The following SYNJ2 variants were observed in gnomAD, a reference collection of about 807,000 sequenced individuals.
The protein encoded by SYNJ2 is synaptojanin 2, also known as polyphosphatidylinositol phosphatase SYNJ2.
In SYNJ2, 116 loss-of-function variants were observed where a neutral mutation model predicts 141.3. The observed-to-expected ratio is 0.82, with a 90% CI of 0.71 to 0.96. The LOEUF (loss-of-function observed/expected upper bound fraction) is 0.96, where lower values mean the gene tolerates loss of function less well. Ranked by LOEUF, SYNJ2 falls within the 40% of genes least tolerant of loss-of-function variation. The pLI is 0.00. For synonymous variants in SYNJ2, 745 were observed against 777.7 expected (o/e 0.96, Z 0.70); for missense variants, 1,873 against 1,934.8 (o/e 0.97, Z 0.60).
At chr6:158,062,932 C>G (rs773428020) in intron 8 of SYNJ2, among the ~76,000 whole-genome samples, 22 of 152,186 alleles carry the variant, frequency 1.4e-4, no homozygotes, top group Admixed American at 3.3e-4. Flanking sequence ...CTTCTGAGCA[C>G]AAGAAGGTGG....
intron 1 of SYNJ2, among the ~76,000 whole-genome samples, chr6:157,988,323 C>T (rs1396976900): frequency 6.6e-6 from 1 of 152,172 alleles, no homozygotes; most frequent in African/African-American, 2.4e-5. Context: ...CCGCCCTCCC[C>T]ACTGGCTACA....
In SYNJ2 at chr6:158,066,394, C is replaced by T. The variant is rs371158402; in HGVS notation, c.1526-50C>T. On this transcript the variant is annotated intron_variant, in intron 11 of 26. Transcript: ENST00000355585. Reference sequence around the variant, plus strand: ...GCCTCATCTGTCTTTTTGGAGGATGCCTGAGCTTTGGAACTGCAAAGAAAT... The same window carrying T: ...GCCTCATCTGTCTTTTTGGAGGATGTCTGAGCTTTGGAACTGCAAAGAAAT... 31 of 1,604,162 alleles carry T rather than the reference C, an allele frequency of 1.9e-5. No homozygotes were observed. The African/African-American group carries it at 3.1e-4, about 16-fold the overall frequency.
intron 22 of SYNJ2, among the ~76,000 whole-genome samples, chr6:158,085,461 G>A (rs568259815): frequency 1.9e-4 from 29 of 152,290 alleles, no homozygotes; most frequent in Non-Finnish European, 3.4e-4. Context: ...ACTGAGCCCC[G>A]AGTTGGAGGA....
rs1781932003 is a variant in SYNJ2 at position 158,071,639 on chromosome 6, G to A, written c.1978G>A (p.Gly660Ser). Residue 660 changes from glycine (G) to serine (S), a missense_variant, in exon 15 of 27, where the codon GGC becomes AGC. By Grantham distance (56) the Gly-to-Ser change is moderately conservative (BLOSUM62 0). Coordinates refer to ENST00000355585, the MANE Select transcript of SYNJ2 (RefSeq NM_003898.4). The surrounding 1 kb of genome is among the most constrained non-coding windows in gnomAD (Gnocchi z 4.3). ...CGACACAGTGAAGACGGGCATGGGG[G>A]GCAAGGCGGGGAACAAGGGCGCCGT... ...AIDTVKTGMG[G>S]KAGNKGAVGI... 2 of 1,614,090 alleles carry A rather than the reference G, an allele frequency of 1.2e-6. No homozygotes were observed. The highest frequency in any genetic ancestry group is 2.7e-5 in the African/African-American group (2 of 75,048).
chr6:158,076,415 G>A (rs1043222673), intron 16 of SYNJ2, among the ~76,000 whole-genome samples: 4 of 152,168 alleles, frequency 2.6e-5, no homozygotes, highest in African/African-American at 9.7e-5. Context: ...AGATAGATAC[G>A]AGGGCGGTGT....
chr6:158,062,208 A>C (rs777196380), intron 8 of SYNJ2, 44 bp downstream of exon 8: 1 of 1,596,326 alleles, frequency 6.3e-7, no homozygotes, highest in Non-Finnish European at 8.5e-7. Context: ...GCTGGGGGGA[A>C]GCGTCAGTCC....
intron 17 of SYNJ2, 42 bp from the exon 18 acceptor site, chr6:158,078,122 T>C: frequency 7.6e-7 from 1 of 1,322,208 alleles, no homozygotes; most frequent in Middle Eastern, 1.8e-4. Flanking sequence ...GGATATTGAC[T>C]CGATTCTATA....
intron 16 of SYNJ2, among the ~76,000 whole-genome samples, chr6:158,075,632 T>C (rs1341806097): frequency 6.7e-6 from 1 of 149,152 alleles, no homozygotes; most frequent in Admixed American, 6.7e-5. Context: ...CGAGCAAAAC[T>C]CCGTCTCAAA....
At chr6:158,074,380 TAA>T (rs1381478776) in intron 15 of SYNJ2, among the ~76,000 whole-genome samples, 198 bp from the exon 16 acceptor site, 1 of 152,166 alleles carries the variant, frequency 6.6e-6, no homozygotes, top group Non-Finnish European at 1.5e-5. Flanking sequence ...TATTTAAAAT[TAA>T]AAAGTAAGCC....
Position 158,043,773 on chromosome 6 carries a change from T to A in SYNJ2, c.795+374T>A, listed in dbSNP as rs1372554003. On this transcript the variant is annotated intron_variant, in intron 5 of 26. Transcript: ENST00000355585. This position sits in a 1 kb window ranked among gnomAD's most constrained non-coding sequence, Gnocchi z 4.0. ...AGGACGTTTCTGAGAGCCGTGACTC[T>A]CATGGAGGGCTTCAGGAAGGCTCTG... is the stretch of plus-strand genomic sequence containing the variant. Among the ~76,000 whole-genome samples, 1 of 152,162 alleles carries A rather than the reference T, an allele frequency of 6.6e-6. No homozygotes were observed. Among genetic ancestry groups the A allele is most frequent in the Non-Finnish European group, 1.5e-5 (1 of 68,034 alleles).
At chr6:158,037,085 C>T (rs572465146) in intron 4 of SYNJ2, among the ~76,000 whole-genome samples, 5 of 152,248 alleles carry the variant, frequency 3.3e-5, no homozygotes, top group Admixed American at 2.6e-4. Context: ...GAAAGCAAAC[C>T]GCATGCATTT....
intron 2 of SYNJ2, 164 bp from the exon 3 acceptor site, chr6:158,028,592 G>A (rs1779185662): frequency 2.3e-6 from 2 of 867,516 alleles, no homozygotes. Context: ...ACAGGACAGG[G>A]CAGGTTCTTG....
chr6:158,090,093 T>G, intron 25 of SYNJ2, 146 bp downstream of exon 25: 1 of 627,986 alleles, frequency 1.6e-6, no homozygotes, highest in Non-Finnish European at 2.8e-6. Context: ...ACATTTTATA[T>G]AAATCTATAC....
At chr6:158,075,288 T>C (rs893780800) in intron 16 of SYNJ2, among the ~76,000 whole-genome samples, 6 of 151,800 alleles carry the variant, frequency 4.0e-5, no homozygotes, top group South Asian at 2.1e-4. Flanking sequence ...CCTAGCAGGA[T>C]GAGCTGAGAT....
At chr6:158,005,147 G>A (rs574480424) in intron 1 of SYNJ2, among the ~76,000 whole-genome samples, 8 of 149,718 alleles carry the variant, frequency 5.3e-5, no homozygotes, top group East Asian at 2.0e-4. Context: ...GCGCGATCTC[G>A]GCTCACTGCA....
intron 14 of SYNJ2, 63 bp downstream of exon 14, chr6:158,069,736 C>G (rs1781797763): frequency 2.0e-6 from 3 of 1,506,640 alleles, no homozygotes; most frequent in South Asian, 2.8e-5. Flanking sequence ...GTGTTTTGTT[C>G]TTTGACTTCC....
In SYNJ2 at chr6:158,028,849, AC is replaced by A. The variant is rs1311631400; in HGVS notation, c.309del (p.Tyr105ThrfsTer14). The A allele has an allele frequency of 1.3e-5, 21 of 1,614,142 alleles. No homozygotes were observed. The highest frequency in any genetic ancestry group is 1.8e-5 in the Non-Finnish European group (21 of 1,180,008). On this transcript the variant is annotated frameshift_variant, in exon 3 of 27. Transcript: ENST00000355585. LOFTEE classifies it high-confidence loss of function. ...GAAATCTACAAAATCACTGCCACTGACTTTTACCCTCTTCAGGAAGAGGCCA... is the reference window on the plus strand; with the variant it reads ...GAAATCTACAAAATCACTGCCACTGATTTTACCCTCTTCAGGAAGAGGCCA... ...DAEIYKITAT[D>X]FYPLQEEAKE... is the part of the protein sequence containing the mutation.
chr6:158,053,932 C>T (rs1391468921), intron 5 of SYNJ2, among the ~76,000 whole-genome samples: 1 of 151,458 alleles, frequency 6.6e-6, no homozygotes. Flanking sequence ...ATTCTCTTAT[C>T]CACCTTTCTA....
At chr6:157,994,623 G>A (rs1377060201) in intron 1 of SYNJ2, among the ~76,000 whole-genome samples, 2 of 152,184 alleles carry the variant, frequency 1.3e-5, no homozygotes, top group African/African-American at 4.8e-5. Context: ...TGCAGGAATG[G>A]AATTCCATGA....
Sources: gnomAD v4.1 joint callset for allele counts (sites outside exome capture counted in the v4.1 genomes callset) on GRCh38, gnomAD v4.1.1 for gene constraint, Gnocchi (gnomAD v3.1) non-coding constraint, MANE v1.5 for transcripts, NCBI Gene and HGNC (gene_info 2026-07-23, HGNC 2026-07-21) for gene names.